PRKCE: variants seen among roughly 807,000 people sequenced by gnomAD.
PRKCE encodes protein kinase C epsilon.
In PRKCE, 16 loss-of-function variants were observed where a neutral mutation model predicts 85.4. The observed-to-expected ratio is 0.19, with a 90% confidence interval of 0.13 to 0.28. The LOEUF is 0.28. Among genes scored for constraint, PRKCE ranks in the 10% least tolerant of loss-of-function variants. The probability of loss-of-function intolerance (pLI) is 1.00; values close to 1 mark genes in which losing one functional copy is unlikely to be tolerated. For synonymous variants in PRKCE, 388 were observed against 371.5 expected (o/e 1.04, Z -0.51); for missense variants, 573 against 975.2 (o/e 0.59, Z 5.49).
intron 1 of PRKCE, among the ~76,000 whole-genome samples, chr2:45,687,099 A>G (rs1677354641): frequency 6.6e-6 from 1 of 152,164 alleles, no homozygotes; most frequent in South Asian, 2.1e-4. Flanking sequence ...TTGATATATT[A>G]AATTTCCAAA....
At chr2:46,178,176 C>T (rs573633203) in intron 14 of PRKCE, among the ~76,000 whole-genome samples, 1 of 152,338 alleles carries the variant, frequency 6.6e-6, no homozygotes, top group Non-Finnish European at 1.5e-5. Context: ...AGAAGAATTG[C>T]TTGAACCCGG....
At chr2:45,819,862 C>T (rs1344992702) in intron 1 of PRKCE, among the ~76,000 whole-genome samples, 1 of 152,176 alleles carries the variant, frequency 6.6e-6, no homozygotes, top group Non-Finnish European at 1.5e-5. Context: ...AGTAAGACTA[C>T]AGTGAAGCAA....
chr2:46,126,973 G>A lies in PRKCE; in HGVS notation c.1593-18120G>A, dbSNP rs531635811. ...CTAGGTGAGCTCCTTTGAAATATGG[G>A]TGTTGTTGAGCTTAAAAATCTAGAG... On this transcript the variant is annotated intron_variant, in intron 11 of 14. Transcript: ENST00000306156. Among the ~76,000 whole-genome samples the A allele has an allele frequency of 3.7e-4, 56 of 152,326 alleles. 1 individual carries two copies. Among genetic ancestry groups the A allele is most frequent in the Admixed American group, 2.4e-3 (36 of 15,300 alleles).
intron 1 of PRKCE, among the ~76,000 whole-genome samples, chr2:45,753,587 T>G (rs569576832): frequency 1.5e-4 from 22 of 151,412 alleles, no homozygotes; most frequent in East Asian, 1.2e-3. Flanking sequence ...CCAGGTTGTT[T>G]GAGTTGTTGG....
chr2:46,023,861 C>G (rs1329500371), intron 10 of PRKCE, among the ~76,000 whole-genome samples: 1 of 148,518 alleles, frequency 6.7e-6, no homozygotes, highest in Non-Finnish European at 1.5e-5. Context: ...TCAGGGTCAT[C>G]TTTGGCTCAA....
At chr2:45,680,908 G>A (rs935818456) in intron 1 of PRKCE, among the ~76,000 whole-genome samples, 1 of 152,228 alleles carries the variant, frequency 6.6e-6, no homozygotes. Flanking sequence ...TACCTACTGT[G>A]TTCCAGGCCA....
intron 2 of PRKCE, among the ~76,000 whole-genome samples, chr2:45,945,641 C>T (rs2104275741): frequency 6.6e-6 from 1 of 152,326 alleles, no homozygotes; most frequent in Non-Finnish European, 1.5e-5. Context: ...TAAGTGCTTT[C>T]CATGAGCTAT....
intron 11 of PRKCE, among the ~76,000 whole-genome samples, chr2:46,088,965 T>A (rs1247018408): frequency 6.6e-6 from 1 of 152,132 alleles, no homozygotes; most frequent in Non-Finnish European, 1.5e-5. Flanking sequence ...CTAAACTCCT[T>A]CACTAATCAT....
intron 1 of PRKCE, among the ~76,000 whole-genome samples, chr2:45,832,546 C>A (rs925143113): frequency 6.6e-6 from 1 of 152,058 alleles, no homozygotes; most frequent in Non-Finnish European, 1.5e-5. Context: ...CTCCTGACCT[C>A]GTGATCCGCC....
chr2:46,101,314 TAC>T (rs1671198868), intron 11 of PRKCE, among the ~76,000 whole-genome samples: 1 of 152,120 alleles, frequency 6.6e-6, no homozygotes, highest in South Asian at 2.1e-4. Context: ...GGAAACACAT[TAC>T]AGGGATACCT....
intron 1 of PRKCE, among the ~76,000 whole-genome samples, chr2:45,842,445 C>A (rs1691432903): frequency 6.6e-6 from 1 of 152,166 alleles, no homozygotes; most frequent in Non-Finnish European, 1.5e-5. Context: ...CTTCCTGCTT[C>A]TCTTATTTCC....
intron 14 of PRKCE, among the ~76,000 whole-genome samples, chr2:46,179,589 ACAT>A (rs1311706357): frequency 1.3e-5 from 2 of 152,150 alleles, no homozygotes; most frequent in African/African-American, 2.4e-5. Context: ...TTTTCCTCTA[ACAT>A]CAGCCACAGG....
intron 2 of PRKCE, among the ~76,000 whole-genome samples, chr2:45,858,496 C>G (rs1331081259): frequency 6.6e-6 from 1 of 152,112 alleles, no homozygotes; most frequent in East Asian, 1.9e-4. Context: ...TTATGCTGAA[C>G]TTATATTGTA....
At position 45,834,430 on chromosome 2, in the gene PRKCE, A is replaced by G. The variant is rs1690682763; in HGVS notation, c.349-8570A>G. The stretch of plus-strand genomic sequence containing the variant: ...TTTTAACAAGTTAGCTCAGAACACA[A>G]TTTTGTAAATGGGCGTAGAATAAAG... On this transcript the variant is annotated intron_variant, in intron 1 of 14. Transcript: ENST00000306156. Among the ~76,000 whole-genome samples the G allele has an allele frequency of 4.6e-5, 7 of 152,174 alleles. No homozygotes were observed. The South Asian group carries it at 1.5e-3, about 32-fold the overall frequency.
intron 12 of PRKCE, among the ~76,000 whole-genome samples, chr2:46,147,971 A>G (rs1676249909): frequency 6.6e-6 from 1 of 152,202 alleles, no homozygotes; most frequent in Non-Finnish European, 1.5e-5. Context: ...TTGAGAATCT[A>G]ATGAGATTAG....
intron 1 of PRKCE, among the ~76,000 whole-genome samples, chr2:45,772,939 T>G (rs550798459): frequency 3.3e-5 from 5 of 152,214 alleles, no homozygotes; most frequent in Admixed American, 2.0e-4. Context: ...CTGGCCCGAA[T>G]GGAGTGGTGA....
At chr2:45,657,682 C>T (rs949588787) in intron 1 of PRKCE, among the ~76,000 whole-genome samples, 1 of 152,162 alleles carries the variant, frequency 6.6e-6, no homozygotes. Flanking sequence ...CTAGAAGTGT[C>T]ATTTCTGGTT....
chr2:45,727,983 A>G (rs1681229502), intron 1 of PRKCE, among the ~76,000 whole-genome samples: 1 of 152,184 alleles, frequency 6.6e-6, no homozygotes, highest in Non-Finnish European at 1.5e-5. Context: ...AAACTCTGGG[A>G]AGCCAAGATG....
At chr2:45,661,632 C>T (rs1572878203) in intron 1 of PRKCE, among the ~76,000 whole-genome samples, 1 of 149,792 alleles carries the variant, frequency 6.7e-6, no homozygotes, top group African/African-American at 2.5e-5. Flanking sequence ...GGGTTCACAC[C>T]ATTCTTCTGC....
Sources: gnomAD v4.1 joint callset for allele counts (sites outside exome capture counted in the v4.1 genomes callset) on GRCh38, gnomAD v4.1.1 for gene constraint, MANE v1.5 for transcripts, NCBI Gene and HGNC (gene_info 2026-07-23, HGNC 2026-07-21) for gene names.